The following FTO variants were observed in gnomAD, a reference collection of about 807,000 sequenced individuals.
FTO encodes the protein FTO alpha-ketoglutarate dependent dioxygenase, also known as alpha-ketoglutarate-dependent dioxygenase FTO.
Under a neutral mutation model 63.9 loss-of-function variants are expected in FTO, and 47 were observed. The ratio of observed to expected loss-of-function variants is 0.74; its 90% confidence interval spans 0.58 to 0.94. The LOEUF (loss-of-function observed/expected upper bound fraction) is 0.94, where lower values mean the gene tolerates loss of function less well. Among genes scored for constraint, FTO ranks in the 40% least tolerant of loss-of-function variants. The pLI is 0.00. For missense variants in FTO, 562 were observed against 618.1 expected (o/e 0.91, Z 0.96); for synonymous variants, 207 against 224.4 (o/e 0.92, Z 0.69).
chr16:53,979,665 A>G (rs1463358785), intron 8 of FTO, among the ~76,000 whole-genome samples: 5 of 152,054 alleles, frequency 3.3e-5, no homozygotes, highest in Non-Finnish European at 7.4e-5. Flanking sequence ...GCTCATTATC[A>G]AAGTGTTGCT....
chr16:53,757,847 A>T (rs2076959608), intron 1 of FTO, among the ~76,000 whole-genome samples: 1 of 152,186 alleles, frequency 6.6e-6, no homozygotes, highest in Non-Finnish European at 1.5e-5. Flanking sequence ...AAGAGCTCAA[A>T]CAGTTGTGGT....
intron 8 of FTO, among the ~76,000 whole-genome samples, chr16:54,092,824 G>A (rs1021430529): frequency 1.1e-4 from 16 of 152,230 alleles, no homozygotes; most frequent in Admixed American, 5.9e-4. Context: ...GGCTATTCAC[G>A]TGATCAACCC....
At chr16:54,039,097 T>C (rs2085012494) in intron 8 of FTO, among the ~76,000 whole-genome samples, 1 of 152,190 alleles carries the variant, frequency 6.6e-6, no homozygotes, top group Admixed American at 6.5e-5. Flanking sequence ...AACTGGGTTT[T>C]CAAGGAGAAT....
At chr16:53,902,696 A>G (rs533468767) in intron 7 of FTO, among the ~76,000 whole-genome samples, 7 of 152,236 alleles carry the variant, frequency 4.6e-5, no homozygotes, top group Non-Finnish European at 8.8e-5. Context: ...GGTGAGGTGC[A>G]TTGTCTTATT....
chr16:53,924,058 T>C (rs1014454515), intron 7 of FTO, among the ~76,000 whole-genome samples: 1 of 152,188 alleles, frequency 6.6e-6, no homozygotes, highest in African/African-American at 2.4e-5. Context: ...GGATTTTGGG[T>C]TTTGTAAATC....
chr16:53,926,300 A>C (rs1055686012), intron 7 of FTO, among the ~76,000 whole-genome samples: 3 of 152,222 alleles, frequency 2.0e-5, no homozygotes, highest in African/African-American at 7.2e-5. Flanking sequence ...TTTGAATCAA[A>C]TCACAGATGG....
At position 53,746,039 on chromosome 16, in the gene FTO, T is replaced by G. The variant is rs544425966; in HGVS notation, c.45+41810T>G. ...GTGCATTCAGCCTTGGTGAGGTTGT[T>G]TCTGGCAGCCTGTATCCATTTCAGT... On this transcript the variant is annotated intron_variant, in intron 1 of 8. Coordinates refer to ENST00000471389, the MANE Select transcript of FTO (RefSeq NM_001080432.3). Among the ~76,000 whole-genome samples the G allele has an allele frequency of 3.9e-4, 59 of 152,316 alleles. No homozygotes were observed. In the South Asian group the frequency reaches 0.012, roughly 30 times the overall value.
chr16:53,883,968 C>A (rs1025186474), intron 6 of FTO, among the ~76,000 whole-genome samples: 1 of 152,196 alleles, frequency 6.6e-6, no homozygotes, highest in African/African-American at 2.4e-5. Context: ...TGAAAGCCCA[C>A]GTGTCTGTAA....
chr16:53,961,912 G>C (rs2083090063), intron 8 of FTO, among the ~76,000 whole-genome samples: 1 of 152,214 alleles, frequency 6.6e-6, no homozygotes, highest in Admixed American at 6.5e-5. Context: ...GGAATCCACA[G>C]CTCTAACTGG....
At chr16:53,894,698 C>T (rs1252937151) in intron 7 of FTO, among the ~76,000 whole-genome samples, 3 of 151,802 alleles carry the variant, frequency 2.0e-5, no homozygotes, top group African/African-American at 7.3e-5. Flanking sequence ...CATTAAGTTA[C>T]ATCAGCCAAC....
rs1173270081 is a variant in FTO, at chr16:53,760,205, GGTGTGTGTGTGTGTGTGT to G, written c.46-49896_46-49879del. Among the ~76,000 whole-genome samples, 139 of 125,592 alleles carry G rather than the reference GGTGTGTGTGTGTGTGTGT, an allele frequency of 1.1e-3. 2 individuals are homozygous for G. Among genetic ancestry groups the G allele is most frequent in the Non-Finnish European group, 1.9e-3 (118 of 61,318 alleles). 82.4% of individuals were successfully genotyped at this position (125,592 alleles called of 152,430 possible). ...TGTCTACCAGTTAGTCTTCAGCTTT[GGTGTGTGTGTGTGTGTGT>G]GTGTGTGTGTGTGTGTGTGTGTGTG... On this transcript the variant is annotated intron_variant, in intron 1 of 8. Transcript: ENST00000471389.
intron 1 of FTO, among the ~76,000 whole-genome samples, chr16:53,809,650 A>G (rs755437091): frequency 4.6e-5 from 7 of 152,186 alleles, no homozygotes; most frequent in Non-Finnish European, 1.0e-4. Context: ...AATTTAGTAT[A>G]TATGTAATTG....
At chr16:53,802,006 C>T (rs1047861578) in intron 1 of FTO, among the ~76,000 whole-genome samples, 6 of 152,082 alleles carry the variant, frequency 3.9e-5, no homozygotes, top group Non-Finnish European at 8.8e-5. Context: ...GTTATCCACC[C>T]GCCCACCTCG....
At chr16:53,818,101 CTTAT>C (rs2078750311) in intron 2 of FTO, among the ~76,000 whole-genome samples, 1 of 151,526 alleles carries the variant, frequency 6.6e-6, no homozygotes. Flanking sequence ...GGAAAGTGAA[CTTAT>C]TTGTTTGACA....
At chr16:53,767,585 T>A (rs1330495273) in intron 1 of FTO, among the ~76,000 whole-genome samples, 1 of 143,954 alleles carries the variant, frequency 6.9e-6, no homozygotes, top group Non-Finnish European at 1.5e-5. Flanking sequence ...GCTTTATGAA[T>A]TTTTTTTTTA....
At chr16:54,020,615 T>C (rs1239631791) in intron 8 of FTO, among the ~76,000 whole-genome samples, 4 of 152,218 alleles carry the variant, frequency 2.6e-5, no homozygotes, top group Non-Finnish European at 4.4e-5. Flanking sequence ...AGAAAGGCTT[T>C]TGGAGTGTAC....
intron 8 of FTO, among the ~76,000 whole-genome samples, chr16:54,083,881 A>G (rs2086204397): frequency 6.6e-6 from 1 of 152,178 alleles, no homozygotes; most frequent in Non-Finnish European, 1.5e-5. Flanking sequence ...AGTTTGGGGT[A>G]GTGCTTTTGG....
chr16:54,075,044 A>C (rs901772009), intron 8 of FTO, among the ~76,000 whole-genome samples: 19 of 151,894 alleles, frequency 1.3e-4, no homozygotes, highest in South Asian at 6.2e-4. Context: ...AGGTAGCAGT[A>C]TTTTCTTATA....
intron 8 of FTO, among the ~76,000 whole-genome samples, chr16:53,975,744 T>C (rs1178094724): frequency 6.6e-6 from 1 of 152,174 alleles, no homozygotes; most frequent in Non-Finnish European, 1.5e-5. Flanking sequence ...CATATAAAAT[T>C]ACTATTTTTT....
Sources: allele counts gnomAD v4.1 joint callset (sites outside exome capture counted in the v4.1 genomes callset), GRCh38; gene constraint gnomAD v4.1.1; transcripts MANE v1.5; gene names NCBI Gene and HGNC (gene_info 2026-07-23, HGNC 2026-07-21).